The following ECPAS variants were observed in gnomAD, a reference collection of about 807,000 sequenced individuals.
The protein encoded by ECPAS is proteasome adapter and scaffold protein ECM29.
In ECPAS, 70 loss-of-function variants were observed where a neutral mutation model predicts 255.1. That is an observed-to-expected ratio of 0.27 (90% CI 0.23 to 0.33). ECPAS has a LOEUF of 0.33. Ranked by LOEUF, ECPAS falls within the 10% of genes least tolerant of loss-of-function variation. The pLI, the probability that ECPAS is intolerant of heterozygous loss-of-function variation, is 1.00. For synonymous variants in ECPAS, 784 were observed against 775.0 expected (o/e 1.01, Z -0.19); for missense variants, 1,817 against 2,206.4 (o/e 0.82, Z 3.54).
rs779382226 is a variant in ECPAS, at chr9:111,383,309, A to C, written c.3705T>G (p.Pro1235=). 3.1e-6 allele frequency: 5 copies of C among 1,612,072 alleles called. No homozygotes were observed. The highest frequency in any genetic ancestry group is 4.2e-6 in the Non-Finnish European group (5 of 1,179,058). The change falls in exon 35 of 50, where the codon CCT becomes CCG. Residue 1235 remains proline (P), a synonymous_variant. Coordinates refer to ENST00000684092, the MANE Select transcript of ECPAS (RefSeq NM_001364929.1). The part of the protein sequence containing the change: ...LSKVCVKMCD[P]AKGAAGQRTI... Reference sequence around the variant, plus strand: ...TTCTCTGGCCAGCTGCTCCTTTGGCAGGGTCACACATTTTCACACAGACCT... The same window carrying C: ...TTCTCTGGCCAGCTGCTCCTTTGGCCGGGTCACACATTTTCACACAGACCT...
rs1274051299 is a variant in ECPAS, at chr9:111,361,531, A to G, written c.*499T>C. On this transcript the variant is annotated 3_prime_UTR_variant, in exon 50 of 50. Coordinates refer to ENST00000684092, the MANE Select transcript of ECPAS (RefSeq NM_001364929.1). ...CACTGATTTGGCAGATGGCCATAAA[A>G]GAAAGTATCCAGGGCCAGACATTAA... The G allele has an allele frequency of 6.6e-6, 1 of 152,386 alleles. No individual in the cohort carries two copies. Among genetic ancestry groups the G allele is most frequent in the Non-Finnish European group, 1.5e-5 (1 of 68,194 alleles). 9.4% of individuals were successfully genotyped at this position (152,386 alleles called of 1,614,324 possible).
rs141517725 is a variant in ECPAS, at chr9:111,468,689, C to CGTGTGTGTGTGTGTGTGTGTGTGTGT, written c.22+4207_22+4208insACACACACACACACACACACACACAC. On this transcript the variant is annotated intron_variant, in intron 2 of 49. Coordinates refer to ENST00000684092, the MANE Select transcript of ECPAS (RefSeq NM_001364929.1). ...TGTGTGTTTCATGTCCAAGCTCAAACGTGTGTGTGTGTGTGTTTCACGTCC... is the reference window on the plus strand; with the variant it reads ...TGTGTGTTTCATGTCCAAGCTCAAACGTGTGTGTGTGTGTGTGTGTGTGTGTGTGTGTGTGTGTGTGTTTCACGTCC... Among the ~76,000 whole-genome samples the CGTGTGTGTGTGTGTGTGTGTGTGTGT allele has an allele frequency of 1.1e-3, 159 of 150,016 alleles. 2 individuals are homozygous for CGTGTGTGTGTGTGTGTGTGTGTGTGT. Among genetic ancestry groups the CGTGTGTGTGTGTGTGTGTGTGTGTGT allele is most frequent in the East Asian group, 6.8e-3 (34 of 5,010 alleles).
At position 111,425,732 on chromosome 9, in the gene ECPAS, T is replaced by TA. The variant is rs1268452013; in HGVS notation, c.1136+10dup. ...TTGAAAACTTTATAGTTAAAATAGT[T>TA]AAAGACTTACGTTATACAAATATGA... On this transcript the variant is annotated intron_variant, in intron 11 of 49. Transcript: ENST00000684092. 2 of 1,475,566 alleles carry TA rather than the reference T, an allele frequency of 1.4e-6. No homozygotes were observed. Among genetic ancestry groups the TA allele is most frequent in the African/African-American group, 2.8e-5 (2 of 72,094 alleles). 91.4% of individuals were successfully genotyped at this position (1,475,566 alleles called of 1,614,324 possible). A position where few individuals can be genotyped will look rare whatever the true frequency, so the allele number is the denominator to read the frequency against.
In ECPAS at chr9:111,416,233, C is replaced by T. The variant is rs575941509; in HGVS notation, c.1764+39G>A. 6 of 1,483,022 alleles carry T rather than the reference C, an allele frequency of 4.0e-6. No individual in the cohort carries two copies. In the South Asian group the frequency reaches 6.8e-5, roughly 17 times the overall value. 91.9% of individuals were successfully genotyped at this position (1,483,022 alleles called of 1,614,324 possible). On this transcript the variant is annotated intron_variant, in intron 18 of 49. Coordinates refer to ENST00000684092, the MANE Select transcript of ECPAS (RefSeq NM_001364929.1). ...TGGGTGTGGTGTGATCTTTTTAGAA[C>T]ACTTACAAAAAGTAAATAGAAATAT...
chr9:111,392,361 C>T (rs2098161421), intron 28 of ECPAS, among the ~76,000 whole-genome samples: 1 of 152,192 alleles, frequency 6.6e-6, no homozygotes, highest in African/African-American at 2.4e-5. Context: ...TGTGGTAGCA[C>T]ATGAAAAACT....
rs756065420 is a variant in ECPAS at position 111,376,567 on chromosome 9, C to T, written c.3955-26G>A. 20 of 1,557,146 alleles carry T rather than the reference C, an allele frequency of 1.3e-5. No homozygotes were observed. In the South Asian group the frequency reaches 1.5e-4, roughly 12 times the overall value. ...CTAAAGAAGAGAAATTAAAGTCACCCGGCACATTCAATTAATTAGGAATAA... is the reference window on the plus strand; with the variant it reads ...CTAAAGAAGAGAAATTAAAGTCACCTGGCACATTCAATTAATTAGGAATAA... On this transcript the variant is annotated intron_variant, in intron 36 of 49. Coordinates refer to ENST00000684092, the MANE Select transcript of ECPAS (RefSeq NM_001364929.1).
At chr9:111,406,211 T>C (rs902688197) in intron 24 of ECPAS, among the ~76,000 whole-genome samples, 1 of 149,688 alleles carries the variant, frequency 6.7e-6, no homozygotes, top group African/African-American at 2.5e-5. Flanking sequence ...GAAATCCTGT[T>C]GCTGACGGCA....
Position 111,440,414 on chromosome 9 carries a change from A to T in ECPAS, c.497T>A (p.Leu166Gln). 1 of 1,613,714 alleles carries T rather than the reference A, an allele frequency of 6.2e-7. No homozygotes were observed. Among genetic ancestry groups the T allele is most frequent in the Non-Finnish European group, 8.5e-7 (1 of 1,179,668 alleles). ...GACATCTAGCATGAAGTCCAAAAGC[A>T]GCTGCACAGTCTTTGGTTTCTCAGC... ...NLAEKPKTVQ[L>Q]LLDFMLDVLL... is the part of the protein sequence containing the mutation. Residue 166 changes from leucine (L) to glutamine (Q), a missense_variant, in exon 6 of 50, where the codon CTG (leucine) becomes CAG (glutamine). Physicochemically the swap from Leu to Gln is moderately radical, Grantham distance 113 (BLOSUM62 -2). Coordinates refer to ENST00000684092, the MANE Select transcript of ECPAS (RefSeq NM_001364929.1).
intron 2 of ECPAS, among the ~76,000 whole-genome samples, chr9:111,469,375 A>T (rs1482106467): frequency 6.6e-6 from 1 of 151,058 alleles, no homozygotes; most frequent in Admixed American, 6.6e-5. Context: ...TATACTAAAC[A>T]TACAAAAAAT....
chr9:111,425,781 T>C lies in ECPAS; in HGVS notation c.1098A>G (p.Arg366=). 6.3e-7 allele frequency: 1 copy of C among 1,591,436 alleles called. No individual in the cohort carries two copies. The highest frequency in any genetic ancestry group is 8.6e-7 in the Non-Finnish European group (1 of 1,162,342). Residue 366 remains arginine (R), a synonymous_variant, in exon 11 of 50, where the codon AGA becomes AGG. Transcript: ENST00000684092. The part of the protein sequence containing the change: ...LFGTNTNSKL[R]TLSLQFVHHI... ...GATGCACAAATTGCAGGGATAATGTTCTTAACTTTGAATTTGTATTTGTAC... is the reference window on the plus strand; with the variant it reads ...GATGCACAAATTGCAGGGATAATGTCCTTAACTTTGAATTTGTATTTGTAC...
chr9:111,378,413 G>A (rs189880926), intron 36 of ECPAS, among the ~76,000 whole-genome samples, 167 bp downstream of exon 36: 1 of 152,294 alleles, frequency 6.6e-6, no homozygotes, highest in Non-Finnish European at 1.5e-5. Context: ...TCACAAGACA[G>A]TGTATGAGCT....
chr9:111,449,712 T>C (rs2098257760), intron 3 of ECPAS, among the ~76,000 whole-genome samples: 2 of 152,198 alleles, frequency 1.3e-5, no homozygotes, highest in African/African-American at 2.4e-5. Flanking sequence ...AGGTCTCCAC[T>C]CTTGGCCCCT....
At chr9:111,432,984 AAAAGTCTC>A (rs1236898208) in intron 8 of ECPAS, among the ~76,000 whole-genome samples, 10 of 152,206 alleles carry the variant, frequency 6.6e-5, no homozygotes, top group Non-Finnish European at 2.9e-5. Context: ...CTACCTAGCC[AAAAGTCTC>A]ATTGATTGTG....
At chr9:111,367,507 T>C (rs1303621437) in intron 46 of ECPAS, among the ~76,000 whole-genome samples, 1 of 152,196 alleles carries the variant, frequency 6.6e-6, no homozygotes, top group African/African-American at 2.4e-5. Flanking sequence ...CTACTTTAGC[T>C]TTCTCTACCT....
At chr9:111,414,792 A>C (rs774311919) in intron 18 of ECPAS, 141 bp from the exon 19 acceptor site, 6 of 688,642 alleles carry the variant, frequency 8.7e-6, no homozygotes, top group Non-Finnish European at 1.3e-5. Flanking sequence ...GAAGGCAGAA[A>C]ATATGCCATA....
intron 3 of ECPAS, among the ~76,000 whole-genome samples, chr9:111,449,131 T>C (rs2098256991): frequency 6.6e-6 from 1 of 152,108 alleles, no homozygotes; most frequent in African/African-American, 2.4e-5. Flanking sequence ...AGGATGTAAG[T>C]CCTTAGCACT....
intron 3 of ECPAS, among the ~76,000 whole-genome samples, chr9:111,447,912 G>C (rs1294628384): frequency 1.3e-5 from 2 of 152,084 alleles, no homozygotes; most frequent in Non-Finnish European, 2.9e-5. Context: ...AGACACCAGT[G>C]TTGACAGTTT....
chr9:111,378,761 C>A, intron 35 of ECPAS, 31 bp from the exon 36 acceptor site: 1 of 1,572,808 alleles, frequency 6.4e-7, no homozygotes, highest in South Asian at 1.2e-5. Flanking sequence ...ACTCCTGAGT[C>A]CTTTTAACAA....
Position 111,362,627 on chromosome 9 carries a change from G to A in ECPAS, c.5381-458C>T, listed in dbSNP as rs1488110897. 3.3e-5 allele frequency among the ~76,000 whole-genome samples: 5 copies of A among 151,988 alleles called. No individual in the cohort carries two copies. In the East Asian group the frequency reaches 7.7e-4, roughly 23 times the overall value. ...TAGATGACACTCCCTTTTCTTCGAG[G>A]AAAGCATCTGAGAACTACATGCACA... On this transcript the variant is annotated intron_variant, in intron 49 of 49. Coordinates refer to ENST00000684092, the MANE Select transcript of ECPAS (RefSeq NM_001364929.1).
Sources: gnomAD v4.1 joint callset for allele counts (sites outside exome capture counted in the v4.1 genomes callset) on GRCh38, gnomAD v4.1.1 for gene constraint, MANE v1.5 for transcripts, NCBI Gene and HGNC (gene_info 2026-07-23, HGNC 2026-07-21) for gene names.